The following GRM5 variants were observed in gnomAD, a reference collection of about 807,000 sequenced individuals.
GRM5 encodes the protein metabotropic glutamate receptor 5.
Under a neutral mutation model 83.1 loss-of-function variants are expected in GRM5, and 19 were observed. The observed-to-expected ratio is 0.23, with a 90% confidence interval of 0.16 to 0.34. The LOEUF is 0.34. Among genes scored for constraint, GRM5 ranks in the 10% least tolerant of loss-of-function variants. The probability of loss-of-function intolerance (pLI) is 1.00; values close to 1 mark genes in which losing one functional copy is unlikely to be tolerated. For synonymous variants in GRM5, 675 were observed against 633.6 expected (o/e 1.07, Z -0.98); for missense variants, 1,160 against 1,588.3 (o/e 0.73, Z 4.58).
intron 3 of GRM5, among the ~76,000 whole-genome samples, chr11:88,668,407 C>G (rs1940106851): frequency 6.9e-6 from 1 of 145,132 alleles, no homozygotes; most frequent in Non-Finnish European, 1.6e-5. Context: ...AACACCAATA[C>G]TCAACAATTT....
At chr11:89,001,913 A>G (rs1940394585) in intron 2 of GRM5, among the ~76,000 whole-genome samples, 1 of 152,182 alleles carries the variant, frequency 6.6e-6, no homozygotes, top group African/African-American at 2.4e-5. Context: ...TTTAAAACAA[A>G]AATACTAAAT....
At chr11:88,578,325 G>T (rs1264015118) in intron 7 of GRM5, among the ~76,000 whole-genome samples, 1 of 152,148 alleles carries the variant, frequency 6.6e-6, no homozygotes, top group South Asian at 2.1e-4. Flanking sequence ...TAATGCAATA[G>T]TTAGCACTGT....
At chr11:88,872,152 T>C (rs1944779195) in intron 2 of GRM5, among the ~76,000 whole-genome samples, 1 of 151,406 alleles carries the variant, frequency 6.6e-6, no homozygotes, top group South Asian at 2.1e-4. Context: ...CCTGGAAATT[T>C]TTGTGAGACT....
intron 3 of GRM5, among the ~76,000 whole-genome samples, chr11:88,837,222 T>A (rs538095459): frequency 2.4e-4 from 36 of 152,278 alleles, no homozygotes; most frequent in African/African-American, 7.7e-4. Flanking sequence ...AAGGACAAAA[T>A]TTATTACTGA....
intron 3 of GRM5, among the ~76,000 whole-genome samples, chr11:88,681,565 C>CTTTTGTTTTTTTTTTTT (rs1940488660): frequency 3.9e-5 from 1 of 25,402 alleles, no homozygotes; most frequent in East Asian, 1.8e-3. Flanking sequence ...TGAGTTCTTC[C>CTTTTGTTTTTTTTTTTT]TTTTTTTTTT....
At chr11:88,650,081 G>C (rs890364310) in intron 4 of GRM5, among the ~76,000 whole-genome samples, 1 of 151,738 alleles carries the variant, frequency 6.6e-6, no homozygotes, top group African/African-American at 2.4e-5. Flanking sequence ...GACTCAGTTG[G>C]TAATTTCTGT....
At chr11:88,663,229 A>G (rs533219830) in intron 3 of GRM5, among the ~76,000 whole-genome samples, 2 of 152,294 alleles carry the variant, frequency 1.3e-5, no homozygotes, top group South Asian at 4.1e-4. Context: ...ACAGATAGTA[A>G]GAAAAACCTA....
At chr11:88,799,991 A>G in intron 3 of GRM5, among the ~76,000 whole-genome samples, 1 of 152,154 alleles carries the variant, frequency 6.6e-6, no homozygotes, top group East Asian at 1.9e-4. Context: ...GAAAAGAGAA[A>G]CCAACATCAT....
At chr11:88,658,577 T>C (rs575092018) in intron 3 of GRM5, among the ~76,000 whole-genome samples, 2 of 152,230 alleles carry the variant, frequency 1.3e-5, no homozygotes, top group South Asian at 2.1e-4. Context: ...AGGACAGATA[T>C]AAATAAGTAA....
At chr11:88,771,167 C>T (rs886161518) in intron 3 of GRM5, among the ~76,000 whole-genome samples, 1 of 152,024 alleles carries the variant, frequency 6.6e-6, no homozygotes. Flanking sequence ...TTGAATGTGG[C>T]TAGCAGGAAT....
At chr11:88,980,376 G>A (rs1939483266) in intron 2 of GRM5, among the ~76,000 whole-genome samples, 1 of 152,152 alleles carries the variant, frequency 6.6e-6, no homozygotes, top group South Asian at 2.1e-4. Flanking sequence ...CATTAAGCAG[G>A]AGAGAGAACT....
chr11:88,512,721 T>C (rs1261508751), intron 9 of GRM5, among the ~76,000 whole-genome samples: 1 of 152,170 alleles, frequency 6.6e-6, no homozygotes, highest in Non-Finnish European at 1.5e-5. Flanking sequence ...TTGGTTAAGG[T>C]TGTTTTGAGA....
intron 3 of GRM5, among the ~76,000 whole-genome samples, chr11:88,832,600 A>G (rs1205302618): frequency 6.6e-6 from 1 of 152,014 alleles, no homozygotes; most frequent in Non-Finnish European, 1.5e-5. Flanking sequence ...TTCTTCACAG[A>G]AAAAGAAAAA....
intron 3 of GRM5, among the ~76,000 whole-genome samples, chr11:88,665,627 C>T (rs1940023616): frequency 6.6e-6 from 1 of 151,992 alleles, no homozygotes; most frequent in African/African-American, 2.4e-5. Flanking sequence ...AATTCAAAAC[C>T]TAAGTTCCTG....
chr11:88,856,095 G>C (rs1044696843), intron 2 of GRM5, among the ~76,000 whole-genome samples: 1 of 151,960 alleles, frequency 6.6e-6, no homozygotes, highest in African/African-American at 2.4e-5. Context: ...ATCTTAGTTG[G>C]TCCAAATTAT....
intron 3 of GRM5, among the ~76,000 whole-genome samples, chr11:88,789,266 T>C (rs1026594122): frequency 9.2e-5 from 14 of 151,928 alleles, no homozygotes; most frequent in African/African-American, 3.4e-4. Context: ...AAGTAGAGGA[T>C]AATACCTTTA....
intron 5 of GRM5, among the ~76,000 whole-genome samples, chr11:88,601,783 A>T (rs936573451): frequency 6.6e-6 from 1 of 152,104 alleles, no homozygotes; most frequent in African/African-American, 2.4e-5. Context: ...GAGTCCCTAA[A>T]CCCGAGATTA....
At chr11:88,827,376 A>G (rs1277627054) in intron 3 of GRM5, among the ~76,000 whole-genome samples, 1 of 152,186 alleles carries the variant, frequency 6.6e-6, no homozygotes, top group East Asian at 1.9e-4. Context: ...CATATTTCAC[A>G]GAGATTTCTA....
chr11:88,885,190 A>G (rs3956261), intron 2 of GRM5, among the ~76,000 whole-genome samples: 3 of 151,154 alleles, frequency 2.0e-5, no homozygotes, highest in South Asian at 2.1e-4. Context: ...GTTTAAATAT[A>G]TAATTGTTAT....
Sources: gnomAD v4.1 joint callset for allele counts (sites outside exome capture counted in the v4.1 genomes callset) on GRCh38, gnomAD v4.1.1 for gene constraint, MANE v1.5 for transcripts, NCBI Gene and HGNC (gene_info 2026-07-23, HGNC 2026-07-21) for gene names.